The following RNF152 variants were observed in gnomAD, a reference collection of about 807,000 sequenced individuals.
The protein encoded by RNF152 is ring finger protein 152.
Under a neutral mutation model 12.7 loss-of-function variants are expected in RNF152, and 11 were observed. That is an observed-to-expected ratio of 0.86 (90% CI 0.54 to 1.43). The LOEUF (loss-of-function observed/expected upper bound fraction) is 1.43, where lower values mean the gene tolerates loss of function less well. Ranked by LOEUF, RNF152 falls within the 40% of genes most tolerant of loss-of-function variation. The pLI, the probability that RNF152 is intolerant of heterozygous loss-of-function variation, is 0.00. For missense variants in RNF152, 255 were observed against 274.8 expected (o/e 0.93, Z 0.51); for synonymous variants, 113 against 120.3 (o/e 0.94, Z 0.40).
intron 1 of RNF152, among the ~76,000 whole-genome samples, chr18:61,831,748 C>T (rs1909961049): frequency 6.6e-6 from 1 of 151,158 alleles, no homozygotes; most frequent in Non-Finnish European, 1.5e-5. Flanking sequence ...AGCAATAATT[C>T]ATTTAATTAA....
chr18:61,844,673 C>T (rs1209270103), intron 1 of RNF152, among the ~76,000 whole-genome samples: 1 of 152,162 alleles, frequency 6.6e-6, no homozygotes, highest in Non-Finnish European at 1.5e-5. Context: ...TGTGTCTACC[C>T]AATGACTGGG....
Position 61,816,295 on chromosome 18 carries a change from C to T in RNF152, c.169G>A (p.Val57Ile). Residue 57 changes from valine (V) to isoleucine (I), a missense_variant, in exon 2 of 2, where the codon GTC becomes ATC. By Grantham distance (29) the Val-to-Ile change is conservative (BLOSUM62 3). Transcript: ENST00000312828. ...GAGAAGCCGGGAGGCAGCTTGGTGA[C>T]ACCGCGGCACCAGGGGCACCGCACA... ...KDVRCPWCRGVTKLPPGFSVS... is the reference protein window; with the variant it reads ...KDVRCPWCRGITKLPPGFSVS... 1 of 1,614,222 alleles carries T rather than the reference C, an allele frequency of 6.2e-7. No homozygotes were observed.
At chr18:61,831,325 T>C (rs1231053914) in intron 1 of RNF152, among the ~76,000 whole-genome samples, 1 of 152,198 alleles carries the variant, frequency 6.6e-6, no homozygotes, top group Non-Finnish European at 1.5e-5. Context: ...AATGCTCGGA[T>C]TCATCATCTT....
intron 1 of RNF152, among the ~76,000 whole-genome samples, chr18:61,824,456 T>G (rs1909567675): frequency 6.6e-6 from 1 of 152,242 alleles, no homozygotes; most frequent in South Asian, 2.1e-4. Context: ...TTACAAATAT[T>G]ATCTGTTAGT....
intron 1 of RNF152, among the ~76,000 whole-genome samples, chr18:61,891,488 C>G (rs2144779260): frequency 6.6e-6 from 1 of 152,194 alleles, no homozygotes; most frequent in Admixed American, 6.5e-5. Flanking sequence ...CCCTATTATC[C>G]CATCACATGT....
At chr18:61,816,858 G>A (rs1353334246) in intron 1 of RNF152, among the ~76,000 whole-genome samples, 1 of 152,224 alleles carries the variant, frequency 6.6e-6, no homozygotes, top group Non-Finnish European at 1.5e-5. Flanking sequence ...CGATGCATCT[G>A]TATTTCATAA....
Position 61,840,949 on chromosome 18 carries a change from CA to C in RNF152, c.-135-24352del, listed in dbSNP as rs545742110. On this transcript the variant is annotated intron_variant, in intron 1 of 1. Coordinates refer to ENST00000312828, the MANE Select transcript of RNF152 (RefSeq NM_173557.3). ...TTATTCTTCCCTTGACTGCTCTTCC[CA>C]GCTTCCATCTCCAGAAGCACCTGTC... Among the ~76,000 whole-genome samples, 718 of 152,270 alleles carry C rather than the reference CA, an allele frequency of 4.7e-3. 6 individuals carry two copies. The highest frequency in any genetic ancestry group is 0.016 in the African/African-American group (682 of 41,572).
intron 1 of RNF152, among the ~76,000 whole-genome samples, chr18:61,879,640 A>G (rs1484914759): frequency 6.6e-6 from 1 of 152,130 alleles, no homozygotes; most frequent in East Asian, 1.9e-4. Flanking sequence ...GTCAGGAAGA[A>G]ACAGTAACTA....
intron 1 of RNF152, among the ~76,000 whole-genome samples, chr18:61,889,164 C>A (rs982116657): frequency 2.0e-5 from 3 of 152,132 alleles, no homozygotes; most frequent in African/African-American, 7.2e-5. Context: ...CATCTTATCA[C>A]TTGAATGAAG....
At chr18:61,879,985 T>C (rs1912391539) in intron 1 of RNF152, among the ~76,000 whole-genome samples, 1 of 151,986 alleles carries the variant, frequency 6.6e-6, no homozygotes, top group African/African-American at 2.4e-5. Context: ...AAAAAAATTT[T>C]TTTTGTGCAC....
chr18:61,854,681 C>A (rs1230974476), intron 1 of RNF152, among the ~76,000 whole-genome samples: 1 of 152,148 alleles, frequency 6.6e-6, no homozygotes, highest in Admixed American at 6.5e-5. Flanking sequence ...GATGGTCATA[C>A]TGCTATTGGT....
intron 1 of RNF152, among the ~76,000 whole-genome samples, chr18:61,880,870 C>G (rs1912431928): frequency 6.6e-6 from 1 of 151,754 alleles, no homozygotes; most frequent in Non-Finnish European, 1.5e-5. Context: ...TCTCTTTACT[C>G]ACTCCTCCTC....
intron 1 of RNF152, among the ~76,000 whole-genome samples, chr18:61,822,786 T>C (rs1168398349): frequency 6.6e-6 from 1 of 152,232 alleles, no homozygotes; most frequent in African/African-American, 2.4e-5. Flanking sequence ...GACCTTAAAT[T>C]CAATGGTTGT....
chr18:61,846,067 A>G (rs901421712), intron 1 of RNF152, among the ~76,000 whole-genome samples: 9 of 152,124 alleles, frequency 5.9e-5, no homozygotes, highest in Admixed American at 4.6e-4. Context: ...CTCTCACAAG[A>G]CACCAAATCT....
intron 1 of RNF152, among the ~76,000 whole-genome samples, chr18:61,842,343 T>C (rs887443289): frequency 2.6e-5 from 4 of 152,246 alleles, no homozygotes; most frequent in African/African-American, 9.6e-5. Flanking sequence ...AATTGACAGC[T>C]GACCACACAC....
chr18:61,868,791 T>G (rs535932273), intron 1 of RNF152, among the ~76,000 whole-genome samples: 10 of 152,238 alleles, frequency 6.6e-5, no homozygotes, highest in African/African-American at 2.2e-4. Context: ...AAAGCATAAA[T>G]CAGTAGTGTG....
intron 1 of RNF152, among the ~76,000 whole-genome samples, chr18:61,875,427 T>C (rs981472269): frequency 6.6e-6 from 1 of 152,254 alleles, no homozygotes; most frequent in African/African-American, 2.4e-5. Flanking sequence ...AAGTGTCCTC[T>C]GTTCCAGAAA....
intron 1 of RNF152, among the ~76,000 whole-genome samples, chr18:61,826,845 T>C (rs1909695640): frequency 6.6e-6 from 1 of 152,218 alleles, no homozygotes; most frequent in Non-Finnish European, 1.5e-5. Context: ...GCAAACTGTT[T>C]TCAAAATTAT....
chr18:61,890,778 TC>T, intron 1 of RNF152, among the ~76,000 whole-genome samples: 1 of 152,234 alleles, frequency 6.6e-6, no homozygotes, highest in East Asian at 1.9e-4. Context: ...TTCAAACAAC[TC>T]TGAGGGAATT....
Sources: allele counts gnomAD v4.1 joint callset (sites outside exome capture counted in the v4.1 genomes callset), GRCh38; gene constraint gnomAD v4.1.1; transcripts MANE v1.5; gene names NCBI Gene and HGNC (gene_info 2026-07-23, HGNC 2026-07-21).